The following BNC2 variants were observed in gnomAD, a reference collection of about 807,000 sequenced individuals.
BNC2 encodes zinc finger protein basonuclin-2.
A neutral mutation model predicts 76.3 loss-of-function variants in BNC2; 20 were observed. The ratio of observed to expected loss-of-function variants is 0.26; its 90% CI spans 0.18 to 0.38. BNC2 has a LOEUF of 0.38. BNC2 is among the 10% of genes least tolerant of loss of function. The probability of loss-of-function intolerance (pLI) is 1.00; values close to 1 mark genes in which losing one functional copy is unlikely to be tolerated. For missense variants in BNC2, 1,382 were observed against 1,399.8 expected (o/e 0.99, Z 0.20); for synonymous variants, 582 against 514.8 (o/e 1.13, Z -1.77).
At chr9:16,496,046 T>TTACAGGTG (rs1430528737) in intron 5 of BNC2, among the ~76,000 whole-genome samples, 1 of 151,832 alleles carries the variant, frequency 6.6e-6, no homozygotes, top group Admixed American at 6.6e-5. Flanking sequence ...GTAGCTGGGA[T>TTACAGGTG]TACAGGTGCC....
chr9:16,705,936 A>C (rs1823656655), intron 3 of BNC2, among the ~76,000 whole-genome samples: 1 of 152,242 alleles, frequency 6.6e-6, no homozygotes, highest in Non-Finnish European at 1.5e-5. Context: ...ATTACAAAAC[A>C]AACAAGCAAC....
At chr9:16,854,181 A>C (rs186913304) in intron 1 of BNC2, among the ~76,000 whole-genome samples, 2 of 152,302 alleles carry the variant, frequency 1.3e-5, no homozygotes, top group African/African-American at 4.8e-5. Context: ...TTTTAAAAGG[A>C]AGGAAAGATT....
intron 5 of BNC2, among the ~76,000 whole-genome samples, chr9:16,523,489 A>AAC (rs202184136): frequency 2.7e-4 from 33 of 122,978 alleles, no homozygotes; most frequent in East Asian, 9.2e-4. Flanking sequence ...AAAAAAAAAC[A>AAC]AAACAAAAAA....
At chr9:16,800,542 G>A (rs1420756807) in intron 1 of BNC2, among the ~76,000 whole-genome samples, 4 of 151,774 alleles carry the variant, frequency 2.6e-5, no homozygotes, top group Non-Finnish European at 4.4e-5. Flanking sequence ...TTTGTAATGC[G>A]AAGAGGCACT....
chr9:16,501,883 T>C (rs992419044), intron 5 of BNC2, among the ~76,000 whole-genome samples: 3 of 152,136 alleles, frequency 2.0e-5, no homozygotes, highest in Admixed American at 6.6e-5. Context: ...CTCTACTCCA[T>C]TGGTTGAATT....
intron 5 of BNC2, among the ~76,000 whole-genome samples, chr9:16,496,076 T>A (rs1822383347): frequency 3.3e-5 from 5 of 151,936 alleles, no homozygotes; most frequent in Admixed American, 3.3e-4. Context: ...GCCCGGCTAA[T>A]CTTTGTATTT....
chr9:16,787,589 G>A (rs891979667), intron 1 of BNC2, among the ~76,000 whole-genome samples: 3 of 152,144 alleles, frequency 2.0e-5, no homozygotes, highest in East Asian at 1.9e-4. Context: ...CTGAAGTTAC[G>A]GTAGTGGGCT....
At chr9:16,478,754 C>T (rs767141437) in intron 5 of BNC2, among the ~76,000 whole-genome samples, 10 of 152,104 alleles carry the variant, frequency 6.6e-5, no homozygotes, top group Non-Finnish European at 1.5e-4. Flanking sequence ...TGCTGGCAAA[C>T]TCTTCTAGGT....
At chr9:16,587,501 C>T (rs913420087) in intron 3 of BNC2, among the ~76,000 whole-genome samples, 1 of 152,162 alleles carries the variant, frequency 6.6e-6, no homozygotes, top group African/African-American at 2.4e-5. Context: ...ACGGTTACTA[C>T]CATAATTCCA....
At chr9:16,684,422 A>T (rs1368401870) in intron 3 of BNC2, among the ~76,000 whole-genome samples, 6 of 152,240 alleles carry the variant, frequency 3.9e-5, no homozygotes, top group African/African-American at 1.4e-4. Context: ...GGCACAGCAG[A>T]GCTCAGGTGG....
intron 5 of BNC2, among the ~76,000 whole-genome samples, chr9:16,530,694 C>T (rs1005131131): frequency 5.9e-5 from 9 of 152,200 alleles, no homozygotes; most frequent in African/African-American, 2.2e-4. Flanking sequence ...TGAAAGATTG[C>T]ACCACAAACC....
chr9:16,432,204 T>G (rs1445935739), intron 6 of BNC2, among the ~76,000 whole-genome samples: 1 of 152,230 alleles, frequency 6.6e-6, no homozygotes, highest in East Asian at 1.9e-4. Flanking sequence ...CATTTACAAC[T>G]ATATAGAAAA....
At chr9:16,455,886 T>C (rs1194778570) in intron 5 of BNC2, among the ~76,000 whole-genome samples, 10 of 152,164 alleles carry the variant, frequency 6.6e-5, no homozygotes, top group Non-Finnish European at 1.5e-4. Flanking sequence ...CCTAGTAGCA[T>C]TTGTTATTTC....
chr9:16,612,730 T>C (rs544177908), intron 3 of BNC2, among the ~76,000 whole-genome samples: 27 of 152,278 alleles, frequency 1.8e-4, no homozygotes, highest in Non-Finnish European at 2.8e-4. Context: ...AAGACAGGCA[T>C]AAACAAAATG....
intron 5 of BNC2, among the ~76,000 whole-genome samples, chr9:16,533,927 T>C (rs144183050): frequency 6.6e-6 from 1 of 152,292 alleles, no homozygotes; most frequent in East Asian, 1.9e-4. Flanking sequence ...CAATCATTCT[T>C]AGTAGTAATA....
intron 3 of BNC2, among the ~76,000 whole-genome samples, chr9:16,688,767 T>G (rs1006897729): frequency 1.3e-5 from 2 of 152,178 alleles, no homozygotes; most frequent in African/African-American, 2.4e-5. Flanking sequence ...ATGGAATAAC[T>G]GCCTACAACT....
chr9:16,814,711 G>A (rs113319300), intron 1 of BNC2, among the ~76,000 whole-genome samples: 177 of 152,272 alleles, frequency 1.2e-3, no homozygotes, highest in African/African-American at 4.2e-3. Context: ...AAGGATTACT[G>A]TTGGGAAGAG....
intron 4 of BNC2, chr9:16,575,341 C>A (rs1349752314): frequency 3.0e-5 from 30 of 985,288 alleles, no homozygotes; most frequent in Non-Finnish European, 3.6e-5. Flanking sequence ...ACCAGCAGAC[C>A]AGCAGTGACT....
At chr9:16,446,253 G>C (rs2130987966) in intron 5 of BNC2, among the ~76,000 whole-genome samples, 1 of 152,064 alleles carries the variant, frequency 6.6e-6, no homozygotes, top group Non-Finnish European at 1.5e-5. Context: ...CTTCAACTTA[G>C]CGAATGGTGA....
Sources: allele counts gnomAD v4.1 joint callset (sites outside exome capture counted in the v4.1 genomes callset), GRCh38; gene constraint gnomAD v4.1.1; transcripts MANE v1.5; gene names NCBI Gene and HGNC (gene_info 2026-07-23, HGNC 2026-07-21).